The following KIAA0930 variants were observed in gnomAD, a reference collection of about 807,000 sequenced individuals.
KIAA0930 encodes KIAA0930.
Under a neutral mutation model 43.9 loss-of-function variants are expected in KIAA0930, and 24 were observed. That is an observed-to-expected ratio of 0.55 (90% CI 0.40 to 0.77). KIAA0930 has a LOEUF of 0.77. KIAA0930 is among the 30% of genes least tolerant of loss of function. The probability of loss-of-function intolerance (pLI) is 0.00; values close to 1 mark genes in which losing one functional copy is unlikely to be tolerated. For synonymous variants in KIAA0930, 259 were observed against 216.4 expected (o/e 1.20, Z -1.73); for missense variants, 461 against 574.2 (o/e 0.80, Z 2.02).
intron 1 of KIAA0930, among the ~76,000 whole-genome samples, chr22:45,221,370 G>T (rs1052286306): frequency 6.6e-5 from 10 of 152,198 alleles, no homozygotes; most frequent in African/African-American, 2.4e-4. Context: ...GATATGTAAG[G>T]AAATGGACAT....
In KIAA0930 at chr22:45,195,340, G is replaced by C. The variant is rs1254537340; in HGVS notation, c.*1836C>G. On this transcript the variant is annotated 3_prime_UTR_variant, in exon 10 of 10. Transcript: ENST00000336156. Reference sequence around the variant, plus strand: ...TTCCCACGGACGAGCTGTCAGGGCTGTGTTTCTCCCAAGATCCCCAGAACA... The same window carrying C: ...TTCCCACGGACGAGCTGTCAGGGCTCTGTTTCTCCCAAGATCCCCAGAACA... 6.6e-6 allele frequency: 1 copy of C among 152,306 alleles called. No individual in the cohort carries two copies. The highest frequency in any genetic ancestry group is 1.5e-5 in the Non-Finnish European group (1 of 68,100). 9.4% of individuals were successfully genotyped at this position (152,306 alleles called of 1,614,324 possible). A position where few individuals can be genotyped will look rare whatever the true frequency, so the allele number is the denominator to read the frequency against.
chr22:45,202,893 C>T, intron 7 of KIAA0930, 97 bp downstream of exon 7: 2 of 1,046,412 alleles, frequency 1.9e-6, no homozygotes, highest in Non-Finnish European at 2.7e-6. Context: ...TTGGGGATGA[C>T]AACACCTATG....
chr22:45,219,151 G>GCA (rs2083751920), intron 1 of KIAA0930, among the ~76,000 whole-genome samples: 1 of 152,156 alleles, frequency 6.6e-6, no homozygotes, highest in Non-Finnish European at 1.5e-5. Context: ...CATTTGTGAT[G>GCA]CACTGCCCAC....
At chr22:45,223,728 TGAGCAC>T in intron 1 of KIAA0930, among the ~76,000 whole-genome samples, 1 of 145,198 alleles carries the variant, frequency 6.9e-6, no homozygotes, top group African/African-American at 2.7e-5. Flanking sequence ...CAGCACCAGA[TGAGCAC>T]CCAGGGTCAG....
In KIAA0930 at chr22:45,193,287, C is replaced by T. The variant is rs991750345; in HGVS notation, c.*3889G>A. The T allele has an allele frequency of 2.0e-5, 3 of 149,786 alleles. No individual in the cohort carries two copies. The highest frequency in any genetic ancestry group is 2.1e-4 in the South Asian group (1 of 4,830). The allele number at this position is 149,786 out of a possible 1,614,324, so 9.3% of individuals were successfully genotyped here. ...AAACGTCAGTGAAACCTGTTAAGTT[C>T]GCTAAAAAGTTGGCAGATGTTTCGT... is the stretch of plus-strand genomic sequence containing the variant. On this transcript the variant is annotated 3_prime_UTR_variant, in exon 10 of 10. Coordinates refer to ENST00000336156, the MANE Select transcript of KIAA0930 (RefSeq NM_001009880.2).
At chr22:45,240,532 C>CCGCGCAGAGACAGAGATGCGCGGGG (rs2083910534) in intron 1 of KIAA0930, 108 bp downstream of exon 1, 1 of 735,346 alleles carries the variant, frequency 1.4e-6, no homozygotes, top group African/African-American at 1.8e-5. Context: ...ACCACGACAC[C>CCGCGCAGAGACAGAGATGCGCGGGG]CGCGCAGAGA....
intron 1 of KIAA0930, among the ~76,000 whole-genome samples, 166 bp downstream of exon 1, chr22:45,240,474 T>TGG (rs139084178): frequency 8.1e-6 from 1 of 122,818 alleles, no homozygotes; most frequent in African/African-American, 3.0e-5. Context: ...GCAGGGACGG[T>TGG]GGGGGGGGGG....
At chr22:45,215,814 C>T (rs768111396) in intron 1 of KIAA0930, among the ~76,000 whole-genome samples, 10 of 152,122 alleles carry the variant, frequency 6.6e-5, no homozygotes, top group Admixed American at 1.3e-4. Context: ...TTAATATTTT[C>T]AGTCATAAGA....
At chr22:45,215,430 C>T (rs536992188) in intron 1 of KIAA0930, among the ~76,000 whole-genome samples, 59 of 152,200 alleles carry the variant, frequency 3.9e-4, no homozygotes, top group African/African-American at 1.3e-3. Flanking sequence ...ATCTACCTGA[C>T]GGCAGAGTAC....
intron 1 of KIAA0930, among the ~76,000 whole-genome samples, chr22:45,231,037 C>A (rs1460297142): frequency 6.6e-6 from 1 of 151,780 alleles, no homozygotes; most frequent in Non-Finnish European, 1.5e-5. Flanking sequence ...TCACCTGAGG[C>A]CAGGAGTTCA....
chr22:45,204,760 G>C (rs779704102), intron 5 of KIAA0930, among the ~76,000 whole-genome samples: 5 of 146,492 alleles, frequency 3.4e-5, no homozygotes, highest in Non-Finnish European at 7.5e-5. Context: ...GCCCAAGCCC[G>C]TTTCCCAAAC....
chr22:45,203,719 A>G, intron 6 of KIAA0930, 126 bp downstream of exon 6: 1 of 1,037,042 alleles, frequency 9.6e-7, no homozygotes, highest in Non-Finnish European at 1.4e-6. Flanking sequence ...GAGGGGCTGC[A>G]GGTACCCCTG....
chr22:45,198,338 A>C (rs2083555943), intron 8 of KIAA0930, among the ~76,000 whole-genome samples: 1 of 152,374 alleles, frequency 6.6e-6, no homozygotes, highest in South Asian at 2.1e-4. Flanking sequence ...GCCGACCTGC[A>C]CCATTACCCA....
chr22:45,197,833 T>C lies in KIAA0930; in HGVS notation c.1131A>G (p.Ala377=). 1 of 1,614,130 alleles carries C rather than the reference T, an allele frequency of 6.2e-7. No homozygotes were observed. The highest frequency in any genetic ancestry group is 1.1e-5 in the South Asian group (1 of 91,078). The change falls in exon 9 of 10, where the codon GCA becomes GCG. Residue 377 remains alanine (A), a synonymous_variant. Coordinates refer to ENST00000336156, the MANE Select transcript of KIAA0930 (RefSeq NM_001009880.2). ...NRADGNFLLY[A]HLTYVTLPLH... ...GCGGCAACGTGACGTAGGTTAAGTG[T>C]GCATAGAGAAGGAAGTTTCCATCTG... is the stretch of plus-strand genomic sequence containing the variant.
At chr22:45,199,234 G>T (rs2083564209) in intron 8 of KIAA0930, among the ~76,000 whole-genome samples, 1 of 152,322 alleles carries the variant, frequency 6.6e-6, no homozygotes, top group South Asian at 2.1e-4. Flanking sequence ...ATTCTGGAAG[G>T]TCACTGAGCG....
At chr22:45,203,313 A>G in intron 6 of KIAA0930, 129 bp from the exon 7 acceptor site, 1 of 935,384 alleles carries the variant, frequency 1.1e-6, no homozygotes, top group Non-Finnish European at 1.6e-6. Flanking sequence ...GGAGCGTCTG[A>G]GCTGGCAGGC....
In KIAA0930 at chr22:45,210,263, G is replaced by A. The variant is rs1415078353; in HGVS notation, c.216+1693C>T. On this transcript the variant is annotated intron_variant, in intron 2 of 9. Coordinates refer to ENST00000336156, the MANE Select transcript of KIAA0930 (RefSeq NM_001009880.2). ...CCAGCAGAAGCTGAGAGGCCACAGT[G>A]GACGGAGGCAGGGGTGGGGTCCACA... Among the ~76,000 whole-genome samples, 34 of 152,204 alleles carry A rather than the reference G, an allele frequency of 2.2e-4. 2 individuals carry two copies. Among genetic ancestry groups the A allele is most frequent in the Admixed American group, 2.2e-3 (34 of 15,290 alleles).
chr22:45,230,185 G>A (rs990124128), intron 1 of KIAA0930, among the ~76,000 whole-genome samples: 21 of 152,204 alleles, frequency 1.4e-4, no homozygotes, highest in Non-Finnish European at 2.9e-4. Context: ...GGGCAAGGGA[G>A]GGCTGACTCT....
intron 1 of KIAA0930, among the ~76,000 whole-genome samples, chr22:45,222,810 T>C (rs1466030211): frequency 6.6e-6 from 1 of 151,668 alleles, no homozygotes; most frequent in African/African-American, 2.4e-5. Context: ...GAAGGAAATA[T>C]AAGTGGTTTT....
Sources: gnomAD v4.1 joint callset for allele counts (sites outside exome capture counted in the v4.1 genomes callset) on GRCh38, gnomAD v4.1.1 for gene constraint, MANE v1.5 for transcripts, NCBI Gene and HGNC (gene_info 2026-07-23, HGNC 2026-07-21) for gene names.